ASTN2: variants seen among roughly 807,000 people sequenced by gnomAD.
The protein encoded by ASTN2 is astrotactin-2.
Under a neutral mutation model 139.8 loss-of-function variants are expected in ASTN2, and 54 were observed. The observed-to-expected ratio is 0.39, with a 90% CI of 0.31 to 0.48. The LOEUF is 0.48. Among genes scored for constraint, ASTN2 ranks in the 20% least tolerant of loss-of-function variants. The pLI is 0.95. For synonymous variants in ASTN2, 756 were observed against 719.5 expected, an observed-to-expected ratio of 1.05 and a Z score of -0.81; for missense variants, 1,565 against 1,725.1, an observed-to-expected ratio of 0.91 and a Z score of 1.64.
intron 19 of ASTN2, among the ~76,000 whole-genome samples, chr9:116,509,662 C>T (rs1203638263): frequency 6.6e-6 from 1 of 151,040 alleles, no homozygotes; most frequent in East Asian, 1.9e-4. Context: ...ACATCCTCTC[C>T]AGCACCTGTT....
At position 116,697,930 on chromosome 9, in the gene ASTN2, T is replaced by C. The variant is rs1860952573; in HGVS notation, c.2806+27841A>G. ...AGCATCAATGGTGTCCGCTGTCCCT[T>C]TTGCAGCAAGATTACCCGCATAACC... On this transcript the variant is annotated intron_variant, in intron 16 of 22. Transcript: ENST00000313400. The C allele has an allele frequency of 6.2e-7, 1 of 1,614,174 alleles. No homozygotes were observed. Among genetic ancestry groups the C allele is most frequent in the African/African-American group, 1.3e-5 (1 of 75,048 alleles).
intron 1 of ASTN2, among the ~76,000 whole-genome samples, chr9:117,389,015 C>A (rs747670075): frequency 1.3e-5 from 2 of 152,130 alleles, no homozygotes; most frequent in African/African-American, 2.4e-5. Flanking sequence ...TTAACTAATC[C>A]TTACTGTGCT....
chr9:116,856,191 C>G (rs2132329987), intron 11 of ASTN2, among the ~76,000 whole-genome samples: 1 of 152,326 alleles, frequency 6.6e-6, no homozygotes, highest in African/African-American at 2.4e-5. Context: ...CATCAGTCCT[C>G]TCATTTTGGA....
chr9:117,091,385 G>A (rs562158627), intron 5 of ASTN2, among the ~76,000 whole-genome samples: 1 of 152,294 alleles, frequency 6.6e-6, no homozygotes, highest in African/African-American at 2.4e-5. Context: ...TGCTCGTGAA[G>A]TTTCCAGTTC....
intron 11 of ASTN2, among the ~76,000 whole-genome samples, chr9:116,837,142 C>G (rs1832025351): frequency 6.6e-6 from 1 of 152,118 alleles, no homozygotes; most frequent in Non-Finnish European, 1.5e-5. Context: ...TAAGCAATTT[C>G]CTAGAGTCCA....
chr9:116,574,584 C>T (rs750323134), intron 19 of ASTN2, among the ~76,000 whole-genome samples: 29 of 152,180 alleles, frequency 1.9e-4, no homozygotes, highest in Non-Finnish European at 3.8e-4. Context: ...TGAACATGTG[C>T]CTGGATTTAG....
At chr9:116,838,375 TA>T (rs1239661140) in intron 11 of ASTN2, among the ~76,000 whole-genome samples, 1 of 151,202 alleles carries the variant, frequency 6.6e-6, no homozygotes, top group East Asian at 2.0e-4. Context: ...ACTCCCAAAG[TA>T]CTGGGATTAC....
chr9:117,226,372 T>C (rs7029487), intron 2 of ASTN2, among the ~76,000 whole-genome samples: 66,318 of 151,982 alleles, frequency 0.44, 15,164 homozygotes, highest in African/African-American at 0.54. Flanking sequence ...TAACATTTCA[T>C]CACTGAAATA....
intron 16 of ASTN2, among the ~76,000 whole-genome samples, chr9:116,690,702 A>C (rs2132050132): frequency 6.6e-6 from 1 of 152,284 alleles, no homozygotes; most frequent in Middle Eastern, 3.4e-3. Flanking sequence ...TGGGATTTGA[A>C]TCCTTGCTCT....
chr9:116,528,703 T>C (rs1851199174), intron 19 of ASTN2, among the ~76,000 whole-genome samples: 1 of 152,154 alleles, frequency 6.6e-6, no homozygotes, highest in African/African-American at 2.4e-5. Context: ...GAGGCAATAA[T>C]GGTTTTCATG....
chr9:117,036,608 G>C (rs1471429582), intron 6 of ASTN2, among the ~76,000 whole-genome samples: 1 of 152,098 alleles, frequency 6.6e-6, no homozygotes, highest in African/African-American at 2.4e-5. Context: ...CATCCCCCCA[G>C]GGCCAGATAC....
chr9:116,454,680 A>T (rs1251220659), intron 20 of ASTN2, among the ~76,000 whole-genome samples: 1 of 152,244 alleles, frequency 6.6e-6, no homozygotes, highest in Non-Finnish European at 1.5e-5. Context: ...AAAATGTGGC[A>T]CATATATACC....
chr9:116,509,961 G>C (rs1225865559), intron 19 of ASTN2, among the ~76,000 whole-genome samples: 1 of 152,142 alleles, frequency 6.6e-6, no homozygotes, highest in Admixed American at 6.5e-5. Flanking sequence ...TAGGTTGTCT[G>C]TTCACTCTGA....
chr9:117,262,164 C>A (rs1833837109), intron 2 of ASTN2, among the ~76,000 whole-genome samples: 1 of 152,006 alleles, frequency 6.6e-6, no homozygotes, highest in African/African-American at 2.4e-5. Flanking sequence ...TAGCAGGGAT[C>A]ATCAATTTTT....
At chr9:116,832,261 A>C (rs1185593483) in intron 11 of ASTN2, among the ~76,000 whole-genome samples, 1 of 152,144 alleles carries the variant, frequency 6.6e-6, no homozygotes, top group African/African-American at 2.4e-5. Flanking sequence ...GAGATTTTCT[A>C]TGTAAAAAAA....
chr9:116,923,091 T>C (rs1324915818), intron 10 of ASTN2, among the ~76,000 whole-genome samples: 2 of 152,184 alleles, frequency 1.3e-5, no homozygotes, highest in Non-Finnish European at 2.9e-5. Context: ...ACATTAAGGT[T>C]CAGACTCAAA....
rs2132744394 is a variant in ASTN2, at chr9:117,091,135, A to G, written c.1276+4909T>C. Among the ~76,000 whole-genome samples, 8 of 152,336 alleles carry G rather than the reference A, an allele frequency of 5.3e-5. 1 individual carries two copies. The Middle Eastern group carries it at 0.024, about 453-fold the overall frequency. ...TACCAGGAGCAGGAAAAAGAAGGGA[A>G]GAGGAGAGCAGGCCCTTTCCCAGCA... On this transcript the variant is annotated intron_variant, in intron 5 of 22. Transcript: ENST00000313400.
Position 116,698,129 on chromosome 9 carries a change from G to A in ASTN2, c.2806+27642C>T, listed in dbSNP as rs748208744. On this transcript the variant is annotated intron_variant, in intron 16 of 22. Transcript: ENST00000313400. The surrounding 1 kb of genome is among the most constrained non-coding windows in gnomAD (Gnocchi z 4.4). ...AGCCCTGCCGGGAGGCAGACCATCA[G>A]CCTCCTGGCCACTGTACACTCCCTG... is the stretch of plus-strand genomic sequence containing the variant. 1 of 1,614,142 alleles carries A rather than the reference G, an allele frequency of 6.2e-7. No homozygotes were observed. Among genetic ancestry groups the A allele is most frequent in the Non-Finnish European group, 8.5e-7 (1 of 1,180,028 alleles).
intron 6 of ASTN2, among the ~76,000 whole-genome samples, chr9:117,034,016 T>C (rs997181959): frequency 1.3e-5 from 2 of 152,176 alleles, no homozygotes; most frequent in African/African-American, 4.8e-5. Flanking sequence ...ATTAGGTATC[T>C]ACAGTGCTTT....
Sources: allele counts gnomAD v4.1 joint callset (sites outside exome capture counted in the v4.1 genomes callset), GRCh38; gene constraint gnomAD v4.1.1; non-coding constraint Gnocchi (gnomAD v3.1); transcripts MANE v1.5; gene names NCBI Gene and HGNC (gene_info 2026-07-23, HGNC 2026-07-21).